MCU: variants seen among roughly 807,000 people sequenced by gnomAD.
MCU encodes calcium uniporter protein, mitochondrial.
Under a neutral mutation model 45.2 loss-of-function variants are expected in MCU, and 12 were observed. That is an observed-to-expected ratio of 0.27 (90% CI 0.17 to 0.43). The LOEUF (loss-of-function observed/expected upper bound fraction) is 0.43, where lower values mean the gene tolerates loss of function less well. MCU is among the 20% of genes least tolerant of loss of function. The pLI is 1.00. For missense variants in MCU, 324 were observed against 436.7 expected, an observed-to-expected ratio of 0.74 and a Z score of 2.30; for synonymous variants, 160 against 165.1, an observed-to-expected ratio of 0.97 and a Z score of 0.24.
chr10:72,829,200 G>A (rs2132826638), intron 1 of MCU, among the ~76,000 whole-genome samples: 2 of 152,046 alleles, frequency 1.3e-5, no homozygotes, highest in South Asian at 4.2e-4. Flanking sequence ...GTGCTCGCCT[G>A]TAGTCCCAGC....
intron 1 of MCU, among the ~76,000 whole-genome samples, chr10:72,728,275 A>G (rs1843126088): frequency 6.6e-6 from 1 of 152,168 alleles, no homozygotes; most frequent in Admixed American, 6.6e-5. Flanking sequence ...TGCAAGAGAG[A>G]CTGGGTAACT....
intron 1 of MCU, among the ~76,000 whole-genome samples, chr10:72,735,593 C>T (rs1022688974): frequency 6.6e-6 from 1 of 152,088 alleles, no homozygotes; most frequent in Non-Finnish European, 1.5e-5. Flanking sequence ...AAAACAAAGG[C>T]ATATTCAAGA....
intron 5 of MCU, 89 bp downstream of exon 5, chr10:72,868,952 A>T: frequency 1.5e-6 from 2 of 1,336,962 alleles, no homozygotes; most frequent in East Asian, 4.9e-5. Context: ...GTTTTATGCA[A>T]TTGAGTCATG....
At chr10:72,749,941 A>G (rs1008775117) in intron 1 of MCU, among the ~76,000 whole-genome samples, 1 of 137,110 alleles carries the variant, frequency 7.3e-6, no homozygotes, top group African/African-American at 2.7e-5. Context: ...TAATTTTTGT[A>G]CTTTTTTTTT....
chr10:72,789,104 G>T (rs1844120049), intron 1 of MCU, among the ~76,000 whole-genome samples: 1 of 152,066 alleles, frequency 6.6e-6, no homozygotes, highest in African/African-American at 2.4e-5. Flanking sequence ...AGTAGGTTTG[G>T]GGTATTAGAT....
rs1214296149 is a variant in MCU, at chr10:72,751,010, A to AT, written c.150+58716dup. Reference sequence around the variant, plus strand: ...TTAATTCATTTTTATTTTTTATTTTATTTTTTTGGAGACAGAGTTTTGCTC... The same window carrying AT: ...TTAATTCATTTTTATTTTTTATTTTATTTTTTTTGGAGACAGAGTTTTGCTC... On this transcript the variant is annotated intron_variant, in intron 1 of 7. Coordinates refer to ENST00000373053, the MANE Select transcript of MCU (RefSeq NM_138357.3). Among the ~76,000 whole-genome samples the AT allele has an allele frequency of 2.0e-5, 3 of 151,752 alleles. No homozygotes were observed. The East Asian group carries it at 5.8e-4, about 29-fold the overall frequency.
intron 2 of MCU, among the ~76,000 whole-genome samples, chr10:72,841,205 C>T (rs1408773564): frequency 6.6e-6 from 1 of 152,132 alleles, no homozygotes; most frequent in African/African-American, 2.4e-5. Flanking sequence ...TTCCTAATAT[C>T]CAGGTCTCTT....
chr10:72,775,739 A>G (rs1349535143), intron 1 of MCU, among the ~76,000 whole-genome samples: 3 of 152,204 alleles, frequency 2.0e-5, no homozygotes, highest in Non-Finnish European at 4.4e-5. Flanking sequence ...TATTTTGAAG[A>G]ACTATACACC....
intron 1 of MCU, among the ~76,000 whole-genome samples, chr10:72,805,105 T>C (rs113924100): frequency 1.4e-3 from 130 of 91,542 alleles, no homozygotes; most frequent in African/African-American, 3.7e-3. Context: ...TTCTTTCTCT[T>C]TCTTTCTTTC....
chr10:72,700,148 C>T (rs1282364436), intron 1 of MCU, among the ~76,000 whole-genome samples: 1 of 148,564 alleles, frequency 6.7e-6, no homozygotes, highest in Admixed American at 6.7e-5. Flanking sequence ...CAGCCTCTGC[C>T]CCCAGAGTTC....
chr10:72,768,190 C>T (rs922886908), intron 1 of MCU, among the ~76,000 whole-genome samples: 3 of 152,044 alleles, frequency 2.0e-5, no homozygotes, highest in African/African-American at 7.2e-5. Flanking sequence ...ATAAAATTGT[C>T]ATAGAATCTT....
chr10:72,867,932 A>G (rs1422105006), intron 4 of MCU, among the ~76,000 whole-genome samples: 3 of 151,900 alleles, frequency 2.0e-5, no homozygotes, highest in Non-Finnish European at 4.4e-5. Flanking sequence ...TTGAAATACT[A>G]TATATTTTTC....
intron 1 of MCU, among the ~76,000 whole-genome samples, chr10:72,739,393 G>A (rs969188376): frequency 6.6e-6 from 1 of 152,102 alleles, no homozygotes; most frequent in African/African-American, 2.4e-5. Flanking sequence ...TCCTGTATTG[G>A]GAATTGGAAA....
intron 6 of MCU, among the ~76,000 whole-genome samples, chr10:72,872,132 C>G (rs1845551145): frequency 6.6e-6 from 1 of 151,950 alleles, no homozygotes; most frequent in Admixed American, 6.6e-5. Context: ...CAAGTCTATT[C>G]TTTTTTTATT....
At chr10:72,715,576 T>G (rs1031642420) in intron 1 of MCU, among the ~76,000 whole-genome samples, 12 of 152,228 alleles carry the variant, frequency 7.9e-5, no homozygotes, top group Non-Finnish European at 1.5e-5. Context: ...CAAGGGTCTG[T>G]CTGCTGGTGT....
At chr10:72,692,950 A>G in intron 1 of MCU, 3 of 1,530,872 alleles carry the variant, frequency 2.0e-6, no homozygotes, top group Non-Finnish European at 2.6e-6. Context: ...GGCAAGCTTC[A>G]TCCTCTTGGG....
intron 4 of MCU, among the ~76,000 whole-genome samples, chr10:72,863,643 GTC>G (rs1304243902): frequency 6.6e-6 from 1 of 152,158 alleles, no homozygotes; most frequent in Non-Finnish European, 1.5e-5. Flanking sequence ...TTGAGACGGA[GTC>G]TCTCTCTGTC....
In MCU at chr10:72,852,200, A is replaced by T. The variant is rs117945770; in HGVS notation, c.221-6977A>T. Among the ~76,000 whole-genome samples the T allele has an allele frequency of 4.1e-4, 63 of 152,350 alleles. No individual in the cohort carries two copies. In the Middle Eastern group the frequency reaches 0.01, roughly 25 times the overall value. On this transcript the variant is annotated intron_variant, in intron 2 of 7. Coordinates refer to ENST00000373053, the MANE Select transcript of MCU (RefSeq NM_138357.3). ...AAATATTCTCATGTTAGTGGTTCTG[A>T]CTTCAGGAAACAGTAGATTAATTGT...
At position 72,796,693 on chromosome 10, in the gene MCU, G is replaced by GTTT. The variant is rs34029455; in HGVS notation, c.151-37653_151-37651dup. Among the ~76,000 whole-genome samples the GTTT allele has an allele frequency of 1.2e-4, 16 of 133,952 alleles. 1 individual carries two copies. The highest frequency in any genetic ancestry group is 2.1e-4 in the Non-Finnish European group (13 of 63,098). 87.9% of individuals were successfully genotyped at this position (133,952 alleles called of 152,430 possible). A position where few individuals can be genotyped will look rare whatever the true frequency, so the allele number is the denominator to read the frequency against. On this transcript the variant is annotated intron_variant, in intron 1 of 7. Coordinates refer to ENST00000373053, the MANE Select transcript of MCU (RefSeq NM_138357.3). ...CACGCCTGGCTACTTTTTAGTTTTT[G>GTTT]TTTTTTTTTTTTTTTGTAGAGATGG...
Sources: gnomAD v4.1 joint callset for allele counts (sites outside exome capture counted in the v4.1 genomes callset) on GRCh38, gnomAD v4.1.1 for gene constraint, MANE v1.5 for transcripts, NCBI Gene and HGNC (gene_info 2026-07-23, HGNC 2026-07-21) for gene names.